The following COL5A2 variants were observed in gnomAD, a reference collection of about 807,000 sequenced individuals.
The protein encoded by COL5A2 is collagen alpha-2(V) chain.
In COL5A2, 23 loss-of-function variants were observed where a neutral mutation model predicts 208.2. The observed-to-expected ratio is 0.11, with a 90% CI of 0.08 to 0.16. The LOEUF is 0.16. Among genes scored for constraint, COL5A2 ranks in the 10% least tolerant of loss-of-function variants. The pLI is 1.00. For synonymous variants in COL5A2, 625 were observed against 628.5 expected, an observed-to-expected ratio of 0.99 and a Z score of 0.08; for missense variants, 1,590 against 1,956.4, an observed-to-expected ratio of 0.81 and a Z score of 3.53.
In COL5A2 at chr2:189,052,928, C is replaced by T; in HGVS notation, c.2644G>A (p.Gly882Arg). The T allele has an allele frequency of 6.2e-7, 1 of 1,614,076 alleles. No individual in the cohort carries two copies. Among genetic ancestry groups the T allele is most frequent in the Non-Finnish European group, 8.5e-7 (1 of 1,179,988 alleles). ...AGSPGPQGLA[G>R]SPGPHGPNGV... is the part of the protein sequence containing the mutation. ...TAACTTACATGAGGGCCAGGGGATC[C>T]TGCTAAACCTTGTGGTCCAGGAGAA... The change falls in exon 39 of 54, where the codon GGA (glycine) becomes AGA (arginine). Residue 882 changes from glycine (G) to arginine (R), a missense_variant. Coordinates refer to ENST00000374866, the MANE Select transcript of COL5A2 (RefSeq NM_000393.5).
At chr2:189,065,199 T>C (rs1186154830) in intron 23 of COL5A2, 142 bp from the exon 24 acceptor site, 1 of 761,486 alleles carries the variant, frequency 1.3e-6, no homozygotes, top group East Asian at 2.7e-5. Flanking sequence ...ATGAGAAAAA[T>C]CTGACTCGAT....
the COL5A2 span, among the ~76,000 whole-genome samples, chr2:189,300,509 A>G: frequency 6.6e-6 from 1 of 152,368 alleles, no homozygotes; most frequent in South Asian, 2.1e-4. Flanking sequence ...GAAAGGAAGA[A>G]GGCTAAAACT....
At chr2:189,133,969 A>G (rs1404723870) in intron 1 of COL5A2, among the ~76,000 whole-genome samples, 1 of 152,080 alleles carries the variant, frequency 6.6e-6, no homozygotes, top group Non-Finnish European at 1.5e-5. Flanking sequence ...TCCAGGGAGG[A>G]CACAGCCATA....
chr2:189,356,338 G>A, the COL5A2 span, among the ~76,000 whole-genome samples: 3 of 150,790 alleles, frequency 2.0e-5, no homozygotes, highest in Non-Finnish European at 4.5e-5. Flanking sequence ...GGTTGGGGAA[G>A]GTCTCCATTC....
rs1302790145 is a variant in COL5A2 at position 189,068,278 on chromosome 2, G to T, written c.1258-8C>A. The T allele has an allele frequency of 1.2e-6, 2 of 1,609,096 alleles. No individual in the cohort carries two copies. Among genetic ancestry groups the T allele is most frequent in the South Asian group, 1.1e-5 (1 of 90,978 alleles). On this transcript the variant is annotated splice_polypyrimidine_tract_variant and splice_region_variant and intron_variant, in intron 19 of 53. Transcript: ENST00000374866. ...ATCAGTTCCTATTGCACCCTAAAAG[G>T]TACATTAAAAGTATGTAATGAAATA...
At chr2:189,409,132 T>C in the COL5A2 span, among the ~76,000 whole-genome samples, 1 of 151,264 alleles carries the variant, frequency 6.6e-6, no homozygotes, top group African/African-American at 2.4e-5. Flanking sequence ...ACTCACAAAA[T>C]GACACAAGAT....
At chr2:189,142,240 T>G (rs191961362) in intron 1 of COL5A2, among the ~76,000 whole-genome samples, 45 of 152,192 alleles carry the variant, frequency 3.0e-4, no homozygotes, top group African/African-American at 1.0e-3. Context: ...TAGGTATATT[T>G]AAACATCTAT....
At chr2:189,417,816 A>G in the COL5A2 span, among the ~76,000 whole-genome samples, 4 of 151,192 alleles carry the variant, frequency 2.6e-5, no homozygotes, top group Admixed American at 1.3e-4. Context: ...GTGTGTGTGT[A>G]TATATATATA....
the COL5A2 span, among the ~76,000 whole-genome samples, chr2:189,399,745 G>C: frequency 6.6e-6 from 1 of 152,064 alleles, no homozygotes; most frequent in Non-Finnish European, 1.5e-5. Context: ...TGCTGCCCAG[G>C]CTGGAGTGCA....
chr2:189,419,112 T>A, the COL5A2 span, among the ~76,000 whole-genome samples: 1 of 152,148 alleles, frequency 6.6e-6, no homozygotes, highest in East Asian at 1.9e-4. Flanking sequence ...ATCTTCATGC[T>A]CTTTAAATGT....
At chr2:189,123,970 A>G (rs1687559708) in intron 1 of COL5A2, among the ~76,000 whole-genome samples, 1 of 152,186 alleles carries the variant, frequency 6.6e-6, no homozygotes, top group African/African-American at 2.4e-5. Context: ...TTACATGTAC[A>G]AAAGTCTTAA....
the COL5A2 span, among the ~76,000 whole-genome samples, chr2:189,327,442 A>G: frequency 2.0e-5 from 3 of 152,168 alleles, no homozygotes; most frequent in Admixed American, 1.3e-4. Context: ...ACAGAATTAG[A>G]GAGAAAGGGA....
At chr2:189,310,756 A>G in the COL5A2 span, among the ~76,000 whole-genome samples, 2 of 152,124 alleles carry the variant, frequency 1.3e-5, no homozygotes, top group East Asian at 3.9e-4. Flanking sequence ...AAAAAGAATG[A>G]GATCTAGTCA....
intron 1 of COL5A2, among the ~76,000 whole-genome samples, chr2:189,220,458 T>C (rs1689334469): frequency 1.9e-5 from 2 of 108,012 alleles, no homozygotes; most frequent in South Asian, 7.6e-4. Flanking sequence ...TCTAATAAGC[T>C]CGGTGTATTA....
chr2:189,085,664 C>A, intron 10 of COL5A2, 55 bp downstream of exon 10: 2 of 1,431,338 alleles, frequency 1.4e-6, no homozygotes, highest in South Asian at 1.1e-5. Flanking sequence ...TATTTGACAT[C>A]ATTATAATGG....
the COL5A2 span, among the ~76,000 whole-genome samples, chr2:189,406,573 A>C: frequency 6.6e-6 from 1 of 152,174 alleles, no homozygotes; most frequent in Admixed American, 6.5e-5. Context: ...TTTGGCTCTT[A>C]TGAGAAAATT....
Position 189,066,989 on chromosome 2 carries a change from A to T in COL5A2, c.1402-207T>A, listed in dbSNP as rs149453147. Among the ~76,000 whole-genome samples the T allele has an allele frequency of 6.6e-3, 1,001 of 152,314 alleles. 10 individuals are homozygous for T. Among genetic ancestry groups the T allele is most frequent in the African/African-American group, 0.022 (932 of 41,568 alleles). ...TAAAATTCAGTATAATTTGGAAGCC[A>T]TTTAATTTATAGTGGTCTTTAAGAG... On this transcript the variant is annotated intron_variant, in intron 21 of 53. Transcript: ENST00000374866.
intron 44 of COL5A2, among the ~76,000 whole-genome samples, chr2:189,048,640 T>C (rs910425128): frequency 6.6e-6 from 1 of 152,234 alleles, no homozygotes; most frequent in African/African-American, 2.4e-5. Context: ...TGAAATAAAA[T>C]AACTGTTTCA....
rs62184178 is a variant in COL5A2, at chr2:189,052,511, T to A, written c.2715+238A>T. On this transcript the variant is annotated intron_variant, in intron 40 of 53. Transcript: ENST00000374866. ...TGCTTTCACATTGTTTATTTACTCT[T>A]TTATATAGGTAGTATGTTACTTACA... Among the ~76,000 whole-genome samples, 107,213 of 151,316 alleles carry A rather than the reference T, an allele frequency of 0.71. 39,003 individuals carry two copies. The highest frequency in any genetic ancestry group is 0.81 in the Non-Finnish European group (54,544 of 67,606).
Sources: gnomAD v4.1 joint callset for allele counts (sites outside exome capture counted in the v4.1 genomes callset) on GRCh38, gnomAD v4.1.1 for gene constraint, MANE v1.5 for transcripts, NCBI Gene and HGNC (gene_info 2026-07-23, HGNC 2026-07-21) for gene names.